Variants in NTRK3 observed in about 807,000 individuals in gnomAD.
NTRK3 encodes the protein NT-3 growth factor receptor.
In NTRK3, 24 loss-of-function variants were observed where a neutral mutation model predicts 91.7. The observed-to-expected ratio is 0.26, with a 90% CI of 0.19 to 0.37. The LOEUF is 0.37. Among genes scored for constraint, NTRK3 ranks in the 10% least tolerant of loss-of-function variants. NTRK3 has a pLI of 1.00. For synonymous variants in NTRK3, 483 were observed against 404.0 expected (o/e 1.20, Z -2.34); for missense variants, 880 against 1,068.9 (o/e 0.82, Z 2.46).
At chr15:87,986,088 C>T (rs1344472633) in intron 14 of NTRK3, among the ~76,000 whole-genome samples, 1 of 152,216 alleles carries the variant, frequency 6.6e-6, no homozygotes, top group African/African-American at 2.4e-5. Context: ...CTTTACCATT[C>T]TCAGAATTCA....
chr15:88,068,972 G>C (rs2046885262), intron 13 of NTRK3, among the ~76,000 whole-genome samples: 1 of 152,164 alleles, frequency 6.6e-6, no homozygotes, highest in Non-Finnish European at 1.5e-5. Context: ...GGTACGTCTG[G>C]ATTGAAGAGA....
intron 13 of NTRK3, among the ~76,000 whole-genome samples, chr15:88,057,025 C>T (rs931612167): frequency 1.3e-5 from 2 of 151,198 alleles, no homozygotes; most frequent in Non-Finnish European, 2.9e-5. Flanking sequence ...AAAAATTAGC[C>T]GGGCATGGTG....
intron 10 of NTRK3, 86 bp downstream of exon 10, chr15:88,135,015 T>C: frequency 6.7e-7 from 1 of 1,490,880 alleles, no homozygotes; most frequent in Non-Finnish European, 9.4e-7. Context: ...GTACTGATGC[T>C]GCTTCTCCTC....
chr15:88,095,411 C>T (rs2049481265), intron 13 of NTRK3, among the ~76,000 whole-genome samples: 1 of 152,140 alleles, frequency 6.6e-6, no homozygotes, highest in Admixed American at 6.5e-5. Context: ...GGCTGATCAG[C>T]GATGAGTGGT....
chr15:88,082,900 A>G (rs1162815808), intron 13 of NTRK3, among the ~76,000 whole-genome samples: 1 of 152,226 alleles, frequency 6.6e-6, no homozygotes, highest in African/African-American at 2.4e-5. Flanking sequence ...AAAGGCTCTC[A>G]GGCAAAACAA....
At chr15:88,120,525 C>T (rs112206166) in intron 13 of NTRK3, among the ~76,000 whole-genome samples, 9 of 152,180 alleles carry the variant, frequency 5.9e-5, no homozygotes, top group Admixed American at 6.5e-5. Context: ...TCTTGATGCC[C>T]TTCCTTCCCG....
At chr15:87,949,375 GA>G (rs2070881084) in intron 14 of NTRK3, among the ~76,000 whole-genome samples, 1 of 152,036 alleles carries the variant, frequency 6.6e-6, no homozygotes, top group African/African-American at 2.4e-5. Flanking sequence ...CAGCTCTGAA[GA>G]AGCTCAGCAA....
chr15:88,197,677 C>T (rs1344706279), intron 3 of NTRK3, among the ~76,000 whole-genome samples: 1 of 152,198 alleles, frequency 6.6e-6, no homozygotes, highest in Non-Finnish European at 1.5e-5. Flanking sequence ...AAGGGGGTTG[C>T]TAATGGGACC....
At chr15:87,997,498 G>T (rs958021840) in intron 14 of NTRK3, among the ~76,000 whole-genome samples, 3 of 152,038 alleles carry the variant, frequency 2.0e-5, no homozygotes, top group Admixed American at 6.6e-5. Context: ...AATTGGCAGG[G>T]CCTGGAGGGA....
chr15:87,903,321 A>G (rs1219032912), intron 17 of NTRK3, among the ~76,000 whole-genome samples: 1 of 152,258 alleles, frequency 6.6e-6, no homozygotes, highest in Non-Finnish European at 1.5e-5. Context: ...TTTGAAGATA[A>G]GATGCAGACC....
At chr15:88,057,038 G>A (rs925004294) in intron 13 of NTRK3, among the ~76,000 whole-genome samples, 39 of 150,944 alleles carry the variant, frequency 2.6e-4, no homozygotes, top group African/African-American at 8.0e-4. Context: ...GCATGGTGGC[G>A]CGCGCCTGTA....
chr15:88,212,257 C>G (rs543271536), intron 3 of NTRK3, among the ~76,000 whole-genome samples: 1 of 152,092 alleles, frequency 6.6e-6, no homozygotes, highest in East Asian at 1.9e-4. Context: ...GTAGTCCCAG[C>G]TACTTGGGAG....
chr15:87,873,606 G>A (rs2064879945), exon 19 of NTRK3: 2 of 231,838 alleles, frequency 8.6e-6, no homozygotes, highest in African/African-American at 4.4e-5. Context: ...TCTAAAAGGT[G>A]GACTTTGGTA....
At chr15:87,895,052 C>T (rs1002685572) in intron 17 of NTRK3, among the ~76,000 whole-genome samples, 8 of 152,182 alleles carry the variant, frequency 5.3e-5, no homozygotes, top group Non-Finnish European at 8.8e-5. Flanking sequence ...TCCAGCTCCT[C>T]AAATCCAAGT....
intron 13 of NTRK3, among the ~76,000 whole-genome samples, chr15:88,106,071 T>C (rs562685539): frequency 2.0e-5 from 3 of 152,384 alleles, no homozygotes; most frequent in East Asian, 3.8e-4. Context: ...AAGGATTCTG[T>C]TGTCAAGATT....
chr15:88,052,831 T>C (rs1053725750), intron 13 of NTRK3, among the ~76,000 whole-genome samples: 2 of 152,036 alleles, frequency 1.3e-5, no homozygotes, highest in Non-Finnish European at 2.9e-5. Context: ...ATCGAACAGG[T>C]TGTCACATTC....
At chr15:88,118,480 A>C (rs569671976) in intron 13 of NTRK3, among the ~76,000 whole-genome samples, 96 of 152,320 alleles carry the variant, frequency 6.3e-4, no homozygotes, top group African/African-American at 1.8e-3. Flanking sequence ...TGGCAACCCC[A>C]GCCCCTCTTG....
chr15:88,137,788 C>T (rs1477228892), intron 6 of NTRK3, among the ~76,000 whole-genome samples: 1 of 152,238 alleles, frequency 6.6e-6, no homozygotes, highest in Admixed American at 6.5e-5. Flanking sequence ...TGCGGTGGCT[C>T]ATGCCTGTAA....
intron 3 of NTRK3, among the ~76,000 whole-genome samples, chr15:88,236,810 A>G (rs1392623711): frequency 6.6e-6 from 1 of 151,536 alleles, no homozygotes; most frequent in African/African-American, 2.4e-5. Flanking sequence ...AAAAGTAGAT[A>G]ACAAAAAGAA....
Sources: gnomAD v4.1 joint callset for allele counts (sites outside exome capture counted in the v4.1 genomes callset) on GRCh38, gnomAD v4.1.1 for gene constraint, MANE v1.5 for transcripts, NCBI Gene and HGNC (gene_info 2026-07-23, HGNC 2026-07-21) for gene names.